PSD3: variants seen among roughly 807,000 people sequenced by gnomAD.
PSD3 encodes the protein pleckstrin and Sec7 domain containing 3.
Under a neutral mutation model 105.5 loss-of-function variants are expected in PSD3, and 49 were observed. That is an observed-to-expected ratio of 0.46 (90% CI 0.37 to 0.59). The LOEUF (loss-of-function observed/expected upper bound fraction) is 0.59. PSD3 is among the 20% of genes least tolerant of loss of function. The pLI is 0.00. For synonymous variants in PSD3, 557 were observed against 457.8 expected, an observed-to-expected ratio of 1.22 and a Z score of -2.77; for missense variants, 1,561 against 1,263.8, an observed-to-expected ratio of 1.24 and a Z score of -3.57.
intron 1 of PSD3, among the ~76,000 whole-genome samples, chr8:18,984,826 G>C (rs142554700): frequency 0.012 from 1,896 of 152,288 alleles, 11 homozygotes; most frequent in Non-Finnish European, 0.015. Flanking sequence ...ACAAGGCAAA[G>C]ACCTTGGAGG....
At chr8:18,945,938 A>T (rs1443551453) in intron 1 of PSD3, among the ~76,000 whole-genome samples, 2 of 152,146 alleles carry the variant, frequency 1.3e-5, no homozygotes, top group Non-Finnish European at 2.9e-5. Flanking sequence ...CGCGCCATGC[A>T]CTCCAGCCTG....
At chr8:18,766,001 C>G (rs1194802990) in intron 8 of PSD3, among the ~76,000 whole-genome samples, 1 of 149,502 alleles carries the variant, frequency 6.7e-6, no homozygotes, top group Non-Finnish European at 1.5e-5. Flanking sequence ...AACAGACAAA[C>G]AAACAAACAA....
At chr8:19,048,312 C>A (rs1250528028) in intron 1 of PSD3, among the ~76,000 whole-genome samples, 1 of 152,158 alleles carries the variant, frequency 6.6e-6, no homozygotes, top group African/African-American at 2.4e-5. Flanking sequence ...TTAAGAGCAC[C>A]TAAAGATGTT....
At chr8:18,773,193 CTG>C (rs1188316604) in intron 8 of PSD3, among the ~76,000 whole-genome samples, 1 of 152,134 alleles carries the variant, frequency 6.6e-6, no homozygotes, top group Non-Finnish European at 1.5e-5. Flanking sequence ...TTTTTATACA[CTG>C]TGTGATATAA....
chr8:18,755,552 C>A (rs1805967542), intron 9 of PSD3, among the ~76,000 whole-genome samples: 1 of 152,044 alleles, frequency 6.6e-6, no homozygotes, highest in East Asian at 1.9e-4. Context: ...TTCTGTAGCA[C>A]TTCTTCATGA....
chr8:18,626,389 A>G (rs540030044), intron 11 of PSD3, among the ~76,000 whole-genome samples: 28 of 152,274 alleles, frequency 1.8e-4, no homozygotes, highest in Non-Finnish European at 3.8e-4. Context: ...AATATTTGTC[A>G]TCAGAGCACC....
chr8:18,875,400 C>G (rs1157136618), intron 2 of PSD3, among the ~76,000 whole-genome samples: 3 of 152,112 alleles, frequency 2.0e-5, no homozygotes, highest in Non-Finnish European at 4.4e-5. Context: ...AAAGAGCCTT[C>G]TTCCTAGGGT....
chr8:18,908,499 A>T (rs1019500182), intron 2 of PSD3, among the ~76,000 whole-genome samples: 1 of 152,190 alleles, frequency 6.6e-6, no homozygotes, highest in Non-Finnish European at 1.5e-5. Context: ...ACCTGGAAAA[A>T]GCCTCTGATT....
chr8:18,903,975 T>C (rs963261540), intron 2 of PSD3, among the ~76,000 whole-genome samples: 5 of 152,036 alleles, frequency 3.3e-5, no homozygotes, highest in Admixed American at 6.5e-5. Context: ...CCTGGGGAAG[T>C]GTATGATTCT....
chr8:18,655,634 A>T lies in PSD3; in HGVS notation c.2216+8T>A. The T allele has an allele frequency of 1.2e-6, 2 of 1,613,576 alleles. No homozygotes were observed. Among genetic ancestry groups the T allele is most frequent in the Non-Finnish European group, 1.7e-6 (2 of 1,179,492 alleles). On this transcript the variant is annotated splice_region_variant and intron_variant, in intron 10 of 15. Transcript: ENST00000327040. ...CATTATTAAAAGGCTGACGTCCAGC[A>T]CACTTACACTGCCCATTCAAGCTTC...
chr8:18,641,225 C>G (rs915607475), intron 10 of PSD3, among the ~76,000 whole-genome samples: 1 of 152,164 alleles, frequency 6.6e-6, no homozygotes, highest in South Asian at 2.1e-4. Context: ...CACCTTACAA[C>G]CAGCCTAGAA....
chr8:18,870,529 G>C (rs188449127), intron 3 of PSD3, among the ~76,000 whole-genome samples: 1 of 152,104 alleles, frequency 6.6e-6, no homozygotes, highest in Non-Finnish European at 1.5e-5. Context: ...GGGCCCTGTC[G>C]GGGTGTTGGG....
Position 18,534,122 on chromosome 8 carries a change from G to T in PSD3, c.*1621C>A, listed in dbSNP as rs1799738187. 6.6e-6 allele frequency: 1 copy of T among 152,174 alleles called. No individual in the cohort carries two copies. The highest frequency in any genetic ancestry group is 1.5e-5 in the Non-Finnish European group (1 of 68,022). 9.4% of individuals were successfully genotyped at this position (152,174 alleles called of 1,614,324 possible). On this transcript the variant is annotated 3_prime_UTR_variant, in exon 16 of 16. Coordinates refer to ENST00000327040, the MANE Select transcript of PSD3 (RefSeq NM_015310.4). ...AGACACTACCATGGCTTTACAGCAGGTTTTCTCTAATTCACTGGAACCATG... is the reference window on the plus strand; with the variant it reads ...AGACACTACCATGGCTTTACAGCAGTTTTTCTCTAATTCACTGGAACCATG...
intron 1 of PSD3, among the ~76,000 whole-genome samples, chr8:18,954,925 G>C (rs143832059): frequency 7.2e-4 from 109 of 152,184 alleles, no homozygotes; most frequent in African/African-American, 2.6e-3. Context: ...TGTAAGTGAC[G>C]TCACGTTAGG....
chr8:18,863,654 C>G (rs1436401495), intron 4 of PSD3, among the ~76,000 whole-genome samples: 1 of 152,138 alleles, frequency 6.6e-6, no homozygotes, highest in Non-Finnish European at 1.5e-5. Context: ...AATAGTCCAT[C>G]CAGATTTATT....
At chr8:18,714,605 G>A (rs977355337) in intron 9 of PSD3, among the ~76,000 whole-genome samples, 1 of 152,292 alleles carries the variant, frequency 6.6e-6, no homozygotes, top group South Asian at 2.1e-4. Context: ...AGTCAGAATG[G>A]TGATTATTGC....
intron 9 of PSD3, among the ~76,000 whole-genome samples, chr8:18,661,209 A>G (rs1447003310): frequency 2.6e-5 from 4 of 152,176 alleles, no homozygotes; most frequent in African/African-American, 9.7e-5. Context: ...CATTATGAAA[A>G]GTATGGAGGA....
intron 4 of PSD3, chr8:18,849,487 T>A (rs1394804393): frequency 6.6e-6 from 1 of 152,238 alleles, no homozygotes; most frequent in Non-Finnish European, 1.5e-5. Context: ...TCAATATTTT[T>A]CATCTGCCTC....
intron 4 of PSD3, among the ~76,000 whole-genome samples, chr8:18,841,889 A>G (rs1814656288): frequency 6.6e-6 from 1 of 152,234 alleles, no homozygotes; most frequent in Non-Finnish European, 1.5e-5. Flanking sequence ...GACTTTAAAA[A>G]AAACTAGACT....
Sources: allele counts gnomAD v4.1 joint callset (sites outside exome capture counted in the v4.1 genomes callset), GRCh38; gene constraint gnomAD v4.1.1; transcripts MANE v1.5; gene names NCBI Gene and HGNC (gene_info 2026-07-23, HGNC 2026-07-21).